Variants in FGF12 observed in about 807,000 individuals in gnomAD.
FGF12 encodes fibroblast growth factor 12B.
Under a neutral mutation model 23.6 loss-of-function variants are expected in FGF12, and 14 were observed. The ratio of observed to expected loss-of-function variants is 0.59; its 90% CI spans 0.39 to 0.93. FGF12 has a LOEUF of 0.93. FGF12 is among the 40% of genes least tolerant of loss of function. FGF12 has a pLI of 0.00. For synonymous variants in FGF12, 62 were observed against 77.3 expected (o/e 0.80, Z 1.04); for missense variants, 175 against 217.8 (o/e 0.80, Z 1.24).
intron 4 of FGF12, among the ~76,000 whole-genome samples, chr3:192,271,779 G>A (rs904474933): frequency 6.6e-6 from 1 of 152,146 alleles, no homozygotes. Flanking sequence ...CTTAATGCAG[G>A]AGTCTGAAAG....
At chr3:192,472,674 G>T (rs564998967) in intron 2 of FGF12, among the ~76,000 whole-genome samples, 1 of 152,218 alleles carries the variant, frequency 6.6e-6, no homozygotes, top group Admixed American at 6.5e-5. Flanking sequence ...AAGGGAGAGA[G>T]TCATTCACAC....
intron 2 of FGF12, among the ~76,000 whole-genome samples, chr3:192,572,918 A>C (rs1036718601): frequency 6.6e-6 from 1 of 152,214 alleles, no homozygotes; most frequent in African/African-American, 2.4e-5. Flanking sequence ...GAATTACTTT[A>C]TATAAAATAA....
chr3:192,307,018 T>C (rs1390206188), intron 4 of FGF12, among the ~76,000 whole-genome samples: 1 of 152,232 alleles, frequency 6.6e-6, no homozygotes, highest in Non-Finnish European at 1.5e-5. Context: ...ATGGACACTA[T>C]GATCACACAT....
At chr3:192,708,687 C>T (rs6801417) in intron 2 of FGF12, among the ~76,000 whole-genome samples, 83,713 of 151,962 alleles carry the variant, frequency 0.55, 23,898 homozygotes, top group East Asian at 0.84. Context: ...TAGTATAGCA[C>T]AGAAAGAAAT....
At chr3:192,648,406 C>T (rs1228199416) in intron 2 of FGF12, among the ~76,000 whole-genome samples, 1 of 151,836 alleles carries the variant, frequency 6.6e-6, no homozygotes, top group Admixed American at 6.6e-5. Context: ...CATCTATATA[C>T]ACAAAATGAT....
chr3:192,288,963 G>T (rs761754162), intron 4 of FGF12, among the ~76,000 whole-genome samples: 3 of 151,970 alleles, frequency 2.0e-5, no homozygotes, highest in Admixed American at 1.3e-4. Context: ...ACCAAAAAAG[G>T]CCTCATGTCC....
chr3:192,530,356 G>T (rs1725055914), intron 2 of FGF12, among the ~76,000 whole-genome samples: 1 of 152,092 alleles, frequency 6.6e-6, no homozygotes, highest in Non-Finnish European at 1.5e-5. Context: ...AATTGAGATA[G>T]AATATCTTAA....
chr3:192,716,379 A>G (rs1002753964), intron 2 of FGF12, among the ~76,000 whole-genome samples: 10 of 152,212 alleles, frequency 6.6e-5, no homozygotes, highest in African/African-American at 2.4e-4. Flanking sequence ...CTTCATTGTA[A>G]GCCAGATAAT....
chr3:192,658,839 C>A (rs1362802006), intron 2 of FGF12, among the ~76,000 whole-genome samples: 1 of 151,978 alleles, frequency 6.6e-6, no homozygotes, highest in East Asian at 1.9e-4. Flanking sequence ...ATTTTATAGG[C>A]TTTCCATTTG....
intron 2 of FGF12, among the ~76,000 whole-genome samples, chr3:192,497,447 G>A (rs1054233548): frequency 6.6e-6 from 1 of 152,142 alleles, no homozygotes; most frequent in African/African-American, 2.4e-5. Context: ...GCAGACAGAG[G>A]GATCCGTTTA....
chr3:192,611,701 T>C (rs1056678631), intron 2 of FGF12, among the ~76,000 whole-genome samples: 2 of 151,974 alleles, frequency 1.3e-5, no homozygotes, highest in African/African-American at 4.8e-5. Flanking sequence ...CAGGTTTTAC[T>C]CCTGCTGTCA....
At chr3:192,581,203 A>G (rs1417472988) in intron 2 of FGF12, among the ~76,000 whole-genome samples, 1 of 152,044 alleles carries the variant, frequency 6.6e-6, no homozygotes, top group East Asian at 1.9e-4. Flanking sequence ...AATAAACACA[A>G]TTTATTACTA....
At chr3:192,592,471 G>GT (rs1347751160) in intron 2 of FGF12, among the ~76,000 whole-genome samples, 6 of 151,518 alleles carry the variant, frequency 4.0e-5, no homozygotes, top group African/African-American at 1.5e-4. Flanking sequence ...TTTTCTGCTG[G>GT]TTTTTTCCCC....
chr3:192,354,617 A>T (rs1364889932), intron 3 of FGF12, among the ~76,000 whole-genome samples: 1 of 152,242 alleles, frequency 6.6e-6, no homozygotes, highest in Non-Finnish European at 1.5e-5. Flanking sequence ...GATCACCCTT[A>T]AACAAGTGTT....
chr3:192,331,522 G>A (rs1481252923), intron 4 of FGF12, among the ~76,000 whole-genome samples: 1 of 151,988 alleles, frequency 6.6e-6, no homozygotes, highest in South Asian at 2.1e-4. Context: ...TAAAAAGAAG[G>A]AAATCCTGTC....
intron 5 of FGF12, among the ~76,000 whole-genome samples, chr3:192,161,245 G>A (rs1714854998): frequency 6.6e-6 from 1 of 152,080 alleles, no homozygotes; most frequent in African/African-American, 2.4e-5. Context: ...CAAACGTACA[G>A]AATTAAAAAT....
At chr3:192,286,128 T>C (rs1714433346) in intron 4 of FGF12, among the ~76,000 whole-genome samples, 1 of 152,038 alleles carries the variant, frequency 6.6e-6, no homozygotes, top group Non-Finnish European at 1.5e-5. Context: ...GACATACTTT[T>C]GCTACAATAT....
chr3:192,532,087 T>G (rs1247238921), intron 2 of FGF12, among the ~76,000 whole-genome samples: 1 of 152,222 alleles, frequency 6.6e-6, no homozygotes, highest in African/African-American at 2.4e-5. Flanking sequence ...CTGGGTTTTC[T>G]ATTCTGTTCC....
intron 3 of FGF12, among the ~76,000 whole-genome samples, chr3:192,349,147 A>G (rs1718094975): frequency 1.3e-5 from 2 of 152,130 alleles, no homozygotes. Context: ...ACAGTGCTTA[A>G]TCAAACCAGA....
Sources: allele counts gnomAD v4.1 joint callset (sites outside exome capture counted in the v4.1 genomes callset), GRCh38; gene constraint gnomAD v4.1.1; transcripts MANE v1.5; gene names NCBI Gene and HGNC (gene_info 2026-07-23, HGNC 2026-07-21).